Variants in SYNPR observed in about 807,000 individuals in gnomAD.
The protein encoded by SYNPR is synaptoporin.
Under a neutral mutation model 32.9 loss-of-function variants are expected in SYNPR, and 23 were observed. The observed-to-expected ratio is 0.70, with a 90% CI of 0.50 to 0.99. SYNPR has a LOEUF of 0.99. Ranked by LOEUF, SYNPR falls within the 50% of genes least tolerant of loss-of-function variation. The pLI is 0.00. For missense variants in SYNPR, 318 were observed against 349.3 expected, an observed-to-expected ratio of 0.91 and a Z score of 0.71; for synonymous variants, 146 against 135.9, an observed-to-expected ratio of 1.07 and a Z score of -0.52.
intron 2 of SYNPR, among the ~76,000 whole-genome samples, chr3:63,463,686 A>G (rs1308426837): frequency 1.3e-5 from 2 of 152,090 alleles, no homozygotes; most frequent in South Asian, 2.1e-4. Flanking sequence ...AAAATTTTCT[A>G]TGGAGTAAGT....
At chr3:63,381,141 T>C (rs1159390109) in intron 2 of SYNPR, among the ~76,000 whole-genome samples, 2 of 152,206 alleles carry the variant, frequency 1.3e-5, no homozygotes, top group Non-Finnish European at 2.9e-5. Context: ...TAAGATTGTA[T>C]ATTTAGAAAA....
chr3:63,350,997 C>G (rs6791298), intron 2 of SYNPR, among the ~76,000 whole-genome samples: 56,808 of 152,042 alleles, frequency 0.37, 10,982 homozygotes, highest in Middle Eastern at 0.43. Flanking sequence ...TATCCTCACT[C>G]TCTTGACTGT....
upstream of SYNPR, chr3:63,278,209 TC>T: frequency 3.5e-6 from 1 of 287,160 alleles, no homozygotes. Context: ...CTCCTCGCCC[TC>T]CCCTCTGGAG....
rs577992766 is a variant in SYNPR at position 63,252,400 on chromosome 3, T to C, written n.67-99T>C. On this transcript the variant is annotated intron_variant and non_coding_transcript_variant, in intron 1 of 4. Coordinates refer to the SYNPR transcript ENST00000478456. ...ATTCCATTTATGAAGCATTTATTTC[T>C]ATAATTTCAGAATAAAGGATGAAAA... The C allele has an allele frequency of 1.3e-4, 20 of 152,364 alleles. No homozygotes were observed. The South Asian group carries it at 4.1e-3, about 32-fold the overall frequency. 9.4% of individuals were successfully genotyped at this position (152,364 alleles called of 1,614,324 possible).
chr3:63,250,611 G>A (rs540554528), intron 1 of SYNPR, among the ~76,000 whole-genome samples: 7 of 152,098 alleles, frequency 4.6e-5, no homozygotes, highest in Non-Finnish European at 1.0e-4. Flanking sequence ...CCAAATTTTG[G>A]TGTATTTTAC....
intron 2 of SYNPR, among the ~76,000 whole-genome samples, chr3:63,320,896 C>T (rs7636030): frequency 0.44 from 66,279 of 151,914 alleles, 14,647 homozygotes; most frequent in Middle Eastern, 0.52. Flanking sequence ...ACACTGCCAT[C>T]TCAAATAAAT....
In SYNPR at chr3:63,244,326, C is replaced by G. The variant is rs76139774; in HGVS notation, n.67-8173C>G. 7.1e-3 allele frequency among the ~76,000 whole-genome samples: 1,084 copies of G among 152,174 alleles called. 6 individuals are homozygous for G. The highest frequency in any genetic ancestry group is 0.012 in the Non-Finnish European group (793 of 67,990). On this transcript the variant is annotated intron_variant and non_coding_transcript_variant, in intron 1 of 4. Coordinates refer to the SYNPR transcript ENST00000478456. ...CATTAGAGTCTTCCCTTAGCTAAAC[C>G]CATCTGGAATCAGAAGGCAACAGAG...
chr3:63,399,647 G>A (rs1462542027), intron 2 of SYNPR, among the ~76,000 whole-genome samples: 1 of 152,036 alleles, frequency 6.6e-6, no homozygotes, highest in Admixed American at 6.6e-5. Context: ...TTCAATATAT[G>A]AATCTGGGGG....
At chr3:63,352,490 A>G (rs1194202598) in intron 2 of SYNPR, among the ~76,000 whole-genome samples, 4 of 152,206 alleles carry the variant, frequency 2.6e-5, no homozygotes, top group Admixed American at 1.3e-4. Flanking sequence ...TATGTCTACA[A>G]GCAACAGAAT....
At chr3:63,469,049 C>T (rs1268971764) in intron 2 of SYNPR, among the ~76,000 whole-genome samples, 1 of 151,828 alleles carries the variant, frequency 6.6e-6, no homozygotes, top group African/African-American at 2.4e-5. Context: ...TCTATGGATA[C>T]AAATACAACT....
At chr3:63,404,667 T>C (rs1220893280) in intron 2 of SYNPR, among the ~76,000 whole-genome samples, 1 of 152,142 alleles carries the variant, frequency 6.6e-6, no homozygotes, top group Non-Finnish European at 1.5e-5. Flanking sequence ...TTCTACTTTA[T>C]AAGATATTTT....
At chr3:63,365,816 AT>A (rs1314959467) in intron 2 of SYNPR, among the ~76,000 whole-genome samples, 1 of 152,092 alleles carries the variant, frequency 6.6e-6, no homozygotes, top group East Asian at 1.9e-4. Flanking sequence ...CTTTTATTAC[AT>A]TTTCTATTCA....
intron 3 of SYNPR, among the ~76,000 whole-genome samples, chr3:63,500,454 A>G (rs979137122): frequency 2.0e-5 from 3 of 152,288 alleles, no homozygotes; most frequent in Middle Eastern, 3.4e-3. Context: ...TAAAATGAGT[A>G]CAATATCAGC....
At chr3:63,256,014 G>T (rs796974789) in intron 2 of SYNPR, among the ~76,000 whole-genome samples, 3 of 152,204 alleles carry the variant, frequency 2.0e-5, no homozygotes, top group African/African-American at 7.2e-5. Context: ...CAGCAGCAAG[G>T]CTGGGGGAGG....
chr3:63,420,067 A>AAAG (rs1240153049), intron 2 of SYNPR, among the ~76,000 whole-genome samples: 3 of 152,202 alleles, frequency 2.0e-5, no homozygotes, highest in Admixed American at 6.5e-5. Context: ...ATGCATTGAA[A>AAAG]AAGAAGACAA....
chr3:63,403,441 T>TACACACACAC (rs10559096), intron 2 of SYNPR, among the ~76,000 whole-genome samples: 151 of 146,016 alleles, frequency 1.0e-3, no homozygotes, highest in South Asian at 5.6e-3. Context: ...TGTATACACA[T>TACACACACAC]ACACACACAC....
intron 2 of SYNPR, among the ~76,000 whole-genome samples, chr3:63,422,712 G>A (rs1255833636): frequency 6.6e-6 from 1 of 152,138 alleles, no homozygotes; most frequent in Non-Finnish European, 1.5e-5. Flanking sequence ...CGGGGCAGGA[G>A]TGTATAAACT....
At chr3:63,318,164 C>T (rs1181967865) in intron 2 of SYNPR, among the ~76,000 whole-genome samples, 2 of 152,006 alleles carry the variant, frequency 1.3e-5, no homozygotes, top group Admixed American at 6.6e-5. Context: ...TTACCTGGTG[C>T]TTCTGTCTCA....
chr3:63,608,692 G>T (rs1317335127), intron 4 of SYNPR, among the ~76,000 whole-genome samples: 1 of 152,164 alleles, frequency 6.6e-6, no homozygotes, highest in Admixed American at 6.5e-5. Context: ...CAGCTTGGTG[G>T]TTAAGAACTT....
Sources: gnomAD v4.1 joint callset for allele counts (sites outside exome capture counted in the v4.1 genomes callset) on GRCh38, gnomAD v4.1.1 for gene constraint, MANE v1.5 for transcripts, NCBI Gene and HGNC (gene_info 2026-07-23, HGNC 2026-07-21) for gene names.